Variants in MAP3K19 observed in about 807,000 individuals in gnomAD.
The protein encoded by MAP3K19 is mitogen-activated protein kinase kinase kinase 19.
MAP3K19 carries 91 observed loss-of-function variants against 114.4 expected under a neutral mutation model. The ratio of observed to expected loss-of-function variants is 0.80; its 90% CI spans 0.67 to 0.95. MAP3K19 has a LOEUF of 0.95. MAP3K19 is among the 40% of genes least tolerant of loss of function. MAP3K19 has a pLI of 0.00. For synonymous variants in MAP3K19, 518 were observed against 530.5 expected (o/e 0.98, Z 0.32); for missense variants, 1,471 against 1,573.2 (o/e 0.94, Z 1.10).
chr2:135,014,022 T>G (rs1371568922), intron 5 of MAP3K19, among the ~76,000 whole-genome samples: 4 of 152,214 alleles, frequency 2.6e-5, no homozygotes, highest in Non-Finnish European at 5.9e-5. Context: ...ACTCTAATGC[T>G]TAACTGAGAG....
At chr2:134,967,749 T>A (rs763109630) in intron 12 of MAP3K19, among the ~76,000 whole-genome samples, 9 of 152,056 alleles carry the variant, frequency 5.9e-5, no homozygotes, top group Non-Finnish European at 1.0e-4. Context: ...CAATAAAAAC[T>A]GAGGGAACTC....
At position 134,987,892 on chromosome 2, in the gene MAP3K19, C is replaced by T. The variant is rs749147533; in HGVS notation, c.980G>A (p.Gly327Glu). 21 of 1,613,824 alleles carry T rather than the reference C, an allele frequency of 1.3e-5. No individual in the cohort carries two copies. The highest frequency in any genetic ancestry group is 1.8e-5 in the Non-Finnish European group (21 of 1,180,034). Residue 327 changes from glycine to glutamate, a missense_variant, in exon 10 of 13, where the codon GGG becomes GAG. By Grantham distance (98) the Gly-to-Glu change is moderately conservative (BLOSUM62 -2). Coordinates refer to ENST00000392915, the MANE Select transcript of MAP3K19 (RefSeq NM_025052.5). ...NKIEITHFEK[G>E]QSLVSFENLK... ...ATTCTCAAAAGACACCAAAGACTGC[C>T]CTTTTTCAAAGTGAGTGATTTCAAT...
intron 5 of MAP3K19, among the ~76,000 whole-genome samples, chr2:135,010,779 GC>G (rs1197822430): frequency 6.6e-6 from 1 of 151,964 alleles, no homozygotes; most frequent in Non-Finnish European, 1.5e-5. Context: ...ACAGAGGCAC[GC>G]CCCCATAACC....
rs369662714 is a variant in MAP3K19 at position 134,987,286 on chromosome 2, T to C, written c.1586A>G (p.His529Arg). Residue 529 changes from histidine to arginine, a missense_variant, in exon 10 of 13, where the codon CAT becomes CGT. Coordinates refer to ENST00000392915, the MANE Select transcript of MAP3K19 (RefSeq NM_025052.5). The part of the protein sequence containing the change: ...NIPVHQENDK[H>R]KMNSHRSKLD... ...CTTACTCCTATGGGAATTCATCTTA[T>C]GCTTGTCATTTTCTTGGTGTACAGG... 5.0e-6 allele frequency: 8 copies of C among 1,614,066 alleles called. No individual in the cohort carries two copies. The South Asian group carries it at 5.5e-5, about 11-fold the overall frequency.
At chr2:134,985,111 C>T (rs896269790) in intron 10 of MAP3K19, among the ~76,000 whole-genome samples, 3 of 152,316 alleles carry the variant, frequency 2.0e-5, no homozygotes, top group East Asian at 1.9e-4. Flanking sequence ...ACAAAGAAAA[C>T]CCGACTATGT....
At chr2:135,030,195 A>G (rs1239308916) in intron 3 of MAP3K19, 117 bp downstream of exon 3, 1 of 152,182 alleles carries the variant, frequency 6.6e-6, no homozygotes. Context: ...TTTGTCTGAA[A>G]CTTCCTAGGA....
intron 12 of MAP3K19, among the ~76,000 whole-genome samples, chr2:134,971,328 G>C (rs1683866911): frequency 6.6e-6 from 1 of 152,128 alleles, no homozygotes; most frequent in Non-Finnish European, 1.5e-5. Context: ...CTAGTATTTT[G>C]TTCAGGAATT....
chr2:134,991,855 C>T (rs1685603803), intron 8 of MAP3K19, among the ~76,000 whole-genome samples: 1 of 152,164 alleles, frequency 6.6e-6, no homozygotes, highest in Admixed American at 6.5e-5. Context: ...TTATCACTCA[C>T]AGAACATTGT....
At chr2:134,975,559 T>C (rs1573918374) in intron 12 of MAP3K19, among the ~76,000 whole-genome samples, 3 of 151,892 alleles carry the variant, frequency 2.0e-5, no homozygotes, top group South Asian at 2.1e-4. Context: ...GGCATGATGA[T>C]TGGGTGGCTG....
chr2:134,966,253 G>A lies in MAP3K19; in HGVS notation c.3921-1337C>T, dbSNP rs183595943. 2.4e-4 allele frequency among the ~76,000 whole-genome samples: 37 copies of A among 152,242 alleles called. 1 individual carries two copies. In the South Asian group the frequency reaches 7.3e-3, roughly 30 times the overall value. ...CCTTTGGATAAATACTCAGTAGGAGGATTGCTGGATCACACGGCAGGTAGT... is the reference window on the plus strand; with the variant it reads ...CCTTTGGATAAATACTCAGTAGGAGAATTGCTGGATCACACGGCAGGTAGT... On this transcript the variant is annotated intron_variant, in intron 12 of 12. Transcript: ENST00000392915.
At position 134,964,788 on chromosome 2, in the gene MAP3K19, T is replaced by C; in HGVS notation, c.*62A>G. The C allele has an allele frequency of 7.6e-7, 1 of 1,321,446 alleles. No homozygotes were observed. The highest frequency in any genetic ancestry group is 1.7e-5 in the Admixed American group (1 of 57,196). 81.9% of individuals were successfully genotyped at this position (1,321,446 alleles called of 1,614,324 possible). On this transcript the variant is annotated 3_prime_UTR_variant, in exon 13 of 13. Transcript: ENST00000392915. ...GGAAACAAAGATCCCTTAGCCATCA[T>C]TCCCCACAATTAAGCAAGGGAGCAT...
chr2:134,993,782 T>A (rs916909969), intron 8 of MAP3K19, among the ~76,000 whole-genome samples: 5 of 151,922 alleles, frequency 3.3e-5, no homozygotes, highest in Admixed American at 1.3e-4. Flanking sequence ...TTTGGTAACA[T>A]GTGTCAAAGC....
chr2:135,029,066 A>C (rs899133358), intron 3 of MAP3K19, among the ~76,000 whole-genome samples: 6 of 152,210 alleles, frequency 3.9e-5, no homozygotes, highest in African/African-American at 1.4e-4. Context: ...AGGGGTTAAA[A>C]ATGTGGCTAT....
chr2:134,977,650 C>G (rs1228742287), intron 12 of MAP3K19, among the ~76,000 whole-genome samples: 1 of 152,096 alleles, frequency 6.6e-6, no homozygotes, highest in Non-Finnish European at 1.5e-5. Flanking sequence ...GCGTGAGCCA[C>G]CGCGCCCGGC....
chr2:134,987,308 C>G lies in MAP3K19; in HGVS notation c.1564G>C (p.Val522Leu), dbSNP rs760522161. The G allele has an allele frequency of 1.2e-6, 2 of 1,613,948 alleles. No individual in the cohort carries two copies. The highest frequency in any genetic ancestry group is 1.6e-4 in the Middle Eastern group (1 of 6,084). Residue 522 changes from valine (V) to leucine (L), a missense_variant, in exon 10 of 13, where the codon GTA (valine) becomes CTA (leucine). Val to Leu is a conservative substitution (Grantham distance 32). Transcript: ENST00000392915. Reference protein sequence around the residue: ...IHNNHSVNIPVHQENDKHKMN... With the variant: ...IHNNHSVNIPLHQENDKHKMN... Reference sequence around the variant, plus strand: ...TTATGCTTGTCATTTTCTTGGTGTACAGGTATGTTGACACTATGGTTGTTA... The same window carrying G: ...TTATGCTTGTCATTTTCTTGGTGTAGAGGTATGTTGACACTATGGTTGTTA...
chr2:134,978,043 A>G (rs1684370947), intron 12 of MAP3K19, among the ~76,000 whole-genome samples: 1 of 150,976 alleles, frequency 6.6e-6, no homozygotes, highest in Non-Finnish European at 1.5e-5. Context: ...CCTTGGGGCA[A>G]CTCCCTTCCC....
intron 5 of MAP3K19, among the ~76,000 whole-genome samples, chr2:135,009,689 T>A (rs1445046479): frequency 6.6e-6 from 1 of 152,036 alleles, no homozygotes; most frequent in Non-Finnish European, 1.5e-5. Context: ...ACCTACAAAA[T>A]CCATAATGAT....
intron 3 of MAP3K19, among the ~76,000 whole-genome samples, chr2:135,027,351 GAGAA>G (rs893466391): frequency 1.7e-4 from 20 of 119,818 alleles, no homozygotes; most frequent in Admixed American, 5.5e-4. Flanking sequence ...GAAAGAAAGA[GAGAA>G]AGAAAGAAAG....
chr2:134,972,703 T>C (rs1051350462), intron 12 of MAP3K19, among the ~76,000 whole-genome samples: 2 of 152,124 alleles, frequency 1.3e-5, no homozygotes, highest in Non-Finnish European at 2.9e-5. Context: ...TCCCACAGTG[T>C]TGGGATTACA....
Sources: gnomAD v4.1 joint callset for allele counts (sites outside exome capture counted in the v4.1 genomes callset) on GRCh38, gnomAD v4.1.1 for gene constraint, MANE v1.5 for transcripts, NCBI Gene and HGNC (gene_info 2026-07-23, HGNC 2026-07-21) for gene names.